Variants in CNTN5 observed in about 807,000 individuals in gnomAD.
The protein encoded by CNTN5 is contactin 5.
Under a neutral mutation model 129.1 loss-of-function variants are expected in CNTN5, and 77 were observed. The ratio of observed to expected loss-of-function variants is 0.60; its 90% CI spans 0.50 to 0.72. The LOEUF is 0.72. Ranked by LOEUF, CNTN5 falls within the 30% of genes least tolerant of loss-of-function variation. The probability of loss-of-function intolerance (pLI) is 0.00; values close to 1 mark genes in which losing one functional copy is unlikely to be tolerated. For missense variants in CNTN5, 1,478 were observed against 1,328.8 expected, an observed-to-expected ratio of 1.11 and a Z score of -1.75; for synonymous variants, 509 against 465.6, an observed-to-expected ratio of 1.09 and a Z score of -1.20.
At chr11:99,517,483 G>A (rs915361466) in intron 2 of CNTN5, among the ~76,000 whole-genome samples, 14 of 151,928 alleles carry the variant, frequency 9.2e-5, no homozygotes, top group African/African-American at 3.4e-4. Context: ...CCACAATCTG[G>A]TCCCTGCTCA....
chr11:99,062,485 T>G lies in CNTN5; in HGVS notation c.-210+41215T>G, dbSNP rs140866171. On this transcript the variant is annotated intron_variant, in intron 1 of 24. Coordinates refer to ENST00000524871, the MANE Select transcript of CNTN5 (RefSeq NM_014361.4). ...TATGATGTATAGAGGAACACTAACATAACAGCCAGTATACCACTCTCTACA... is the reference window on the plus strand; with the variant it reads ...TATGATGTATAGAGGAACACTAACAGAACAGCCAGTATACCACTCTCTACA... 5.8e-3 allele frequency among the ~76,000 whole-genome samples: 879 copies of G among 152,164 alleles called. 5 individuals are homozygous for G. The highest frequency in any genetic ancestry group is 0.02 in the African/African-American group (831 of 41,536).
At chr11:100,191,448 C>T (rs1415661708) in intron 14 of CNTN5, among the ~76,000 whole-genome samples, 195 bp downstream of exon 14, 1 of 152,104 alleles carries the variant, frequency 6.6e-6, no homozygotes, top group Non-Finnish European at 1.5e-5. Context: ...AATGAAGGAA[C>T]CTCTTATTGG....
At chr11:99,937,098 A>G (rs1040645737) in intron 7 of CNTN5, among the ~76,000 whole-genome samples, 3 of 152,240 alleles carry the variant, frequency 2.0e-5, no homozygotes, top group Non-Finnish European at 2.9e-5. Flanking sequence ...AGCTAGATCT[A>G]TGATCTTTCT....
rs565909092 is a variant in CNTN5, at chr11:99,819,643, C to T, written c.155C>T (p.Pro52Leu). The T allele has an allele frequency of 1.9e-6, 3 of 1,612,900 alleles. No individual in the cohort carries two copies. The highest frequency in any genetic ancestry group is 3.3e-5 in the Admixed American group (2 of 60,012). Residue 52 changes from proline (P) to leucine (L), a missense_variant, in exon 4 of 25, where the codon CCA becomes CTA. By Grantham distance (98) the Pro-to-Leu change is moderately conservative (BLOSUM62 -3). Transcript: ENST00000524871. ...TCTCTCTTTGGTTCCAAAACCAGAC[C>T]ACGATACAGCAGCCCTTCATTAGGA... ...SSSLFGSKTR[P>L]RYSSPSLGTL...
chr11:99,070,574 T>C (rs1262911394), intron 1 of CNTN5, among the ~76,000 whole-genome samples: 1 of 152,114 alleles, frequency 6.6e-6, no homozygotes, highest in Admixed American at 6.6e-5. Flanking sequence ...AATATACTTT[T>C]ACAATAAATG....
chr11:99,292,690 G>A (rs893051297), intron 1 of CNTN5, among the ~76,000 whole-genome samples: 2 of 152,180 alleles, frequency 1.3e-5, no homozygotes, highest in Non-Finnish European at 2.9e-5. Flanking sequence ...ACAGACATTT[G>A]AAACATTTTC....
intron 9 of CNTN5, among the ~76,000 whole-genome samples, chr11:100,044,115 C>CAG (rs1259961178): frequency 6.8e-6 from 1 of 147,762 alleles, no homozygotes; most frequent in Non-Finnish European, 1.5e-5. Context: ...CACACACACA[C>CAG]ACGTATAGAC....
intron 21 of CNTN5, chr11:100,309,147 T>C: frequency 1.0e-6 from 1 of 984,990 alleles, no homozygotes; most frequent in African/African-American, 1.7e-5. Flanking sequence ...TGGAGAGGAA[T>C]TAGGGGGATA....
chr11:99,032,215 C>T lies in CNTN5; in HGVS notation c.-210+10945C>T, dbSNP rs1048356607. Among the ~76,000 whole-genome samples the T allele has an allele frequency of 1.2e-4, 18 of 151,994 alleles. No individual in the cohort carries two copies. The South Asian group carries it at 1.2e-3, about 11-fold the overall frequency. On this transcript the variant is annotated intron_variant, in intron 1 of 24. Transcript: ENST00000524871. ...AACTCTTTGCTATTGTGAATAATGC[C>T]GCAATAAGCATACGTGTGCATGTGT...
chr11:99,090,936 G>A (rs1158127664), intron 1 of CNTN5, among the ~76,000 whole-genome samples: 1 of 148,268 alleles, frequency 6.7e-6, no homozygotes, highest in Non-Finnish European at 1.5e-5. Flanking sequence ...GCAGGAGAAT[G>A]GCGTGAACCC....
At chr11:99,407,815 T>A (rs570486890) in intron 2 of CNTN5, among the ~76,000 whole-genome samples, 1 of 152,252 alleles carries the variant, frequency 6.6e-6, no homozygotes, top group African/African-American at 2.4e-5. Context: ...CAGGGGAGTT[T>A]GGTCTAGTTT....
intron 9 of CNTN5, among the ~76,000 whole-genome samples, chr11:100,031,808 T>A (rs148720306): frequency 2.4e-3 from 372 of 152,272 alleles, no homozygotes; most frequent in Non-Finnish European, 4.0e-3. Context: ...AATTACTTCA[T>A]CCCCATATGA....
chr11:99,333,918 G>C (rs534106796), intron 2 of CNTN5, among the ~76,000 whole-genome samples: 1 of 151,626 alleles, frequency 6.6e-6, no homozygotes, highest in Non-Finnish European at 1.5e-5. Flanking sequence ...TACTCTCAAA[G>C]CTATGGGTAA....
chr11:99,681,263 T>C (rs142303423), intron 3 of CNTN5, among the ~76,000 whole-genome samples: 20 of 152,108 alleles, frequency 1.3e-4, no homozygotes, highest in Admixed American at 5.9e-4. Flanking sequence ...GTTTGAAAGA[T>C]TGATTCCAAT....
At chr11:100,323,527 T>C (rs893758270) in intron 21 of CNTN5, among the ~76,000 whole-genome samples, 2 of 152,196 alleles carry the variant, frequency 1.3e-5, no homozygotes, top group African/African-American at 4.8e-5. Context: ...AAATTCTCAT[T>C]TGGGTCGGGG....
chr11:99,702,943 T>C (rs574938133), intron 3 of CNTN5, among the ~76,000 whole-genome samples: 1 of 151,094 alleles, frequency 6.6e-6, no homozygotes, highest in African/African-American at 2.4e-5. Context: ...ATGAAGTGTG[T>C]TGAAACTTTC....
At chr11:99,145,318 C>T (rs1472621941) in intron 1 of CNTN5, among the ~76,000 whole-genome samples, 1 of 152,042 alleles carries the variant, frequency 6.6e-6, no homozygotes, top group Non-Finnish European at 1.5e-5. Context: ...GATTCACCCA[C>T]CTCGGCCTCC....
chr11:99,524,469 G>A (rs1187979412), intron 2 of CNTN5, among the ~76,000 whole-genome samples: 1 of 152,016 alleles, frequency 6.6e-6, no homozygotes, highest in Non-Finnish European at 1.5e-5. Context: ...GCCTTTAGTG[G>A]TATTTGTACA....
At chr11:100,122,209 G>T (rs1327180998) in intron 13 of CNTN5, among the ~76,000 whole-genome samples, 2 of 152,040 alleles carry the variant, frequency 1.3e-5, no homozygotes, top group African/African-American at 4.8e-5. Flanking sequence ...TGAGAACGGG[G>T]TGATGGTGGG....
Sources: gnomAD v4.1 joint callset for allele counts (sites outside exome capture counted in the v4.1 genomes callset) on GRCh38, gnomAD v4.1.1 for gene constraint, MANE v1.5 for transcripts, NCBI Gene and HGNC (gene_info 2026-07-23, HGNC 2026-07-21) for gene names.